ZNF831: variants seen among roughly 807,000 people sequenced by gnomAD.
The protein encoded by ZNF831 is zinc finger protein 831.
A neutral mutation model predicts 95.8 loss-of-function variants in ZNF831; 59 were observed. That is an observed-to-expected ratio of 0.62 (90% CI 0.50 to 0.77). The LOEUF (loss-of-function observed/expected upper bound fraction) is 0.77, where lower values mean the gene tolerates loss of function less well. Among genes scored for constraint, ZNF831 ranks in the 30% least tolerant of loss-of-function variants. The pLI is 0.00. For missense variants in ZNF831, 2,205 were observed against 2,164.0 expected (o/e 1.02, Z -0.38); for synonymous variants, 961 against 925.5 (o/e 1.04, Z -0.70).
intron 4 of ZNF831, among the ~76,000 whole-genome samples, chr20:59,223,883 A>T (rs1601420034): frequency 6.6e-6 from 1 of 152,224 alleles, no homozygotes; most frequent in East Asian, 1.9e-4. Context: ...AAATACAGTC[A>T]GCTAGTTTGA....
At chr20:59,162,743 T>C (rs1791357248), upstream of ZNF831, among the ~76,000 whole-genome samples, 1 of 152,198 alleles carries the variant, frequency 6.6e-6, no homozygotes, top group South Asian at 2.1e-4. Flanking sequence ...TCTGGCTTTG[T>C]TATTTTTGCT....
chr20:59,135,708 G>A (rs1979487944), intron 1 of ZNF831, among the ~76,000 whole-genome samples: 1 of 152,108 alleles, frequency 6.6e-6, no homozygotes. Context: ...TCCAGCCTGG[G>A]TGACAGAGCG....
intron 1 of ZNF831, among the ~76,000 whole-genome samples, chr20:59,167,131 G>C (rs1372663958): frequency 1.3e-5 from 2 of 152,200 alleles, no homozygotes; most frequent in Non-Finnish European, 2.9e-5. Context: ...ATTCTGACAG[G>C]TGTGAAGTGA....
intron 1 of ZNF831, among the ~76,000 whole-genome samples, chr20:59,174,347 C>T (rs539925963): frequency 2.6e-5 from 4 of 152,266 alleles, no homozygotes; most frequent in East Asian, 1.9e-4. Context: ...CAGATACCAC[C>T]GCATAATGGT....
At chr20:59,248,677 G>T (rs1987733278) in intron 4 of ZNF831, among the ~76,000 whole-genome samples, 1 of 152,178 alleles carries the variant, frequency 6.6e-6, no homozygotes, top group Admixed American at 6.5e-5. Flanking sequence ...TGGTTGTTTT[G>T]TCACTGTGGG....
At chr20:59,238,209 T>C (rs541084727) in intron 4 of ZNF831, among the ~76,000 whole-genome samples, 1 of 152,160 alleles carries the variant, frequency 6.6e-6, no homozygotes, top group East Asian at 1.9e-4. Context: ...CCTGATCAGT[T>C]TGGGCATTCC....
chr20:59,215,133 C>T (rs904784344), intron 4 of ZNF831, among the ~76,000 whole-genome samples: 21 of 152,132 alleles, frequency 1.4e-4, no homozygotes, highest in Middle Eastern at 3.2e-3. Context: ...TAAAACATTC[C>T]GTGGTATAAA....
intron 3 of ZNF831, among the ~76,000 whole-genome samples, chr20:59,205,603 G>A (rs763975192): frequency 4.6e-5 from 7 of 152,178 alleles, no homozygotes; most frequent in East Asian, 1.9e-4. Flanking sequence ...TTTTGTGAGC[G>A]GCCCTGGTGA....
In ZNF831 at chr20:59,173,293, T is replaced by C. The variant is rs573594430; in HGVS notation, c.-37+9086T>C. Among the ~76,000 whole-genome samples, 53 of 152,334 alleles carry C rather than the reference T, an allele frequency of 3.5e-4. 2 individuals are homozygous for C. The South Asian group carries it at 0.01, about 29-fold the overall frequency. The stretch of plus-strand genomic sequence containing the variant: ...ACTGTGAATTCAACTGCCATTTTAA[T>C]TCAGTAACTTGCACCATTAATTTTT... On this transcript the variant is annotated intron_variant, in intron 1 of 5. Coordinates refer to ENST00000371030, the MANE Select transcript of ZNF831 (RefSeq NM_178457.3).
chr20:59,190,560 C>T (rs950950963), intron 1 of ZNF831, among the ~76,000 whole-genome samples: 1 of 152,222 alleles, frequency 6.6e-6, no homozygotes. Context: ...GGGATTTGTG[C>T]AAGTGCACGG....
chr20:59,243,398 G>A (rs1187639804), intron 4 of ZNF831, among the ~76,000 whole-genome samples: 1 of 152,168 alleles, frequency 6.6e-6, no homozygotes, highest in East Asian at 1.9e-4. Context: ...ATGTGAGGAT[G>A]GTGACGTAAT....
At chr20:59,228,513 A>G (rs1229870466) in intron 4 of ZNF831, among the ~76,000 whole-genome samples, 3 of 151,726 alleles carry the variant, frequency 2.0e-5, no homozygotes, top group Admixed American at 6.6e-5. Flanking sequence ...CAGTGGGTGT[A>G]GAAGACCAGC....
chr20:59,191,155 C>G lies in ZNF831; in HGVS notation c.136C>G (p.Gln46Glu), dbSNP rs1268731433. 1 of 1,601,876 alleles carries G rather than the reference C, an allele frequency of 6.2e-7. No individual in the cohort carries two copies. The highest frequency in any genetic ancestry group is 8.5e-7 in the Non-Finnish European group (1 of 1,177,838). Residue 46 changes from glutamine (Q) to glutamate (E), a missense_variant, in exon 2 of 6, where the codon CAG becomes GAG. By Grantham distance (29) the Gln-to-Glu change is conservative. Transcript: ENST00000371030. ...TLGPVLLPPE[Q>E]GLAPPTVFLK... is the part of the protein sequence containing the mutation. ...GGGCCCTGTCCTTCTGCCGCCAGAGCAGGGCCTGGCCCCCCCCACTGTGTT... is the reference window on the plus strand; with the variant it reads ...GGGCCCTGTCCTTCTGCCGCCAGAGGAGGGCCTGGCCCCCCCCACTGTGTT...
chr20:59,227,066 C>T (rs539196808), intron 4 of ZNF831, among the ~76,000 whole-genome samples: 5 of 152,250 alleles, frequency 3.3e-5, no homozygotes, highest in South Asian at 2.1e-4. Flanking sequence ...ATCCAGTGCT[C>T]GCTTATAATT....
chr20:59,235,150 T>A (rs146572066), intron 4 of ZNF831, among the ~76,000 whole-genome samples: 37 of 152,222 alleles, frequency 2.4e-4, no homozygotes, highest in Admixed American at 3.3e-4. Flanking sequence ...ATTTTCCTCA[T>A]GATGAGTCTG....
chr20:59,254,330 A>C lies in ZNF831; in HGVS notation c.4621A>C (p.Thr1541Pro). Residue 1541 changes from threonine to proline, a missense_variant, in exon 6 of 6, where the codon ACC (threonine) becomes CCC (proline). Physicochemically the swap from Thr to Pro is conservative, Grantham distance 38. Coordinates refer to ENST00000371030, the MANE Select transcript of ZNF831 (RefSeq NM_178457.3). This position sits in a 1 kb window ranked among gnomAD's most constrained non-coding sequence, Gnocchi z 4.5. ...SKVTEEGRAQTLLPGRPSSGQ... is the reference protein window; with the variant it reads ...SKVTEEGRAQPLLPGRPSSGQ... ...AGTCACAGAAGAGGGCAGAGCACAG[A>C]CCCTCTTGCCAGGGAGACCTTCATC... 1 of 1,613,992 alleles carries C rather than the reference A, an allele frequency of 6.2e-7. No individual in the cohort carries two copies. Among genetic ancestry groups the C allele is most frequent in the Non-Finnish European group, 8.5e-7 (1 of 1,179,986 alleles).
rs1298512991 is a variant in ZNF831, at chr20:59,163,823, A to G, written c.-421A>G. ...AATTTACTTCCTATTTCTGGGCCAT[A>G]CCAAGTTTTATCTCTGCTTGAGTCT... On this transcript the variant is annotated 5_prime_UTR_variant, in exon 1 of 6. It adds an upstream start codon to the 5' untranslated region. Coordinates refer to ENST00000371030, the MANE Select transcript of ZNF831 (RefSeq NM_178457.3). Among the ~76,000 whole-genome samples, 1 of 151,646 alleles carries G rather than the reference A, an allele frequency of 6.6e-6. No homozygotes were observed. The highest frequency in any genetic ancestry group is 1.5e-5 in the Non-Finnish European group (1 of 67,962).
chr20:59,209,344 C>T (rs563698956), intron 4 of ZNF831, among the ~76,000 whole-genome samples: 35 of 152,232 alleles, frequency 2.3e-4, no homozygotes, highest in African/African-American at 7.2e-4. Context: ...CAGCAGAGGA[C>T]GAGGTCATCT....
At chr20:59,244,110 T>C (rs1271997513) in intron 4 of ZNF831, among the ~76,000 whole-genome samples, 1 of 152,160 alleles carries the variant, frequency 6.6e-6, no homozygotes, top group Non-Finnish European at 1.5e-5. Context: ...AGTGAAGTGT[T>C]CTTCAACTGA....
Sources: allele counts gnomAD v4.1 joint callset (sites outside exome capture counted in the v4.1 genomes callset), GRCh38; gene constraint gnomAD v4.1.1; non-coding constraint Gnocchi (gnomAD v3.1); transcripts MANE v1.5; gene names NCBI Gene and HGNC (gene_info 2026-07-23, HGNC 2026-07-21).